CACNA1C: variants seen among roughly 807,000 people sequenced by gnomAD.
CACNA1C encodes the protein calcium voltage-gated channel subunit alpha1 C.
A neutral mutation model predicts 229.0 loss-of-function variants in CACNA1C; 30 were observed. The ratio of observed to expected loss-of-function variants is 0.13; its 90% CI spans 0.10 to 0.18. The LOEUF (loss-of-function observed/expected upper bound fraction) is 0.18, where lower values mean the gene tolerates loss of function less well. Among genes scored for constraint, CACNA1C ranks in the 10% least tolerant of loss-of-function variants. The pLI is 1.00. For missense variants in CACNA1C, 1,658 were observed against 2,845.0 expected, an observed-to-expected ratio of 0.58 and a Z score of 9.49; for synonymous variants, 1,114 against 1,132.5, an observed-to-expected ratio of 0.98 and a Z score of 0.33.
intron 3 of CACNA1C, among the ~76,000 whole-genome samples, chr12:2,435,422 T>C (rs2099124830): frequency 6.6e-6 from 1 of 152,206 alleles, no homozygotes; most frequent in Non-Finnish European, 1.5e-5. Flanking sequence ...TCCTGCCCTT[T>C]GTAACTGCAG....
At chr12:2,211,198 G>T (rs1167466846) in intron 3 of CACNA1C, among the ~76,000 whole-genome samples, 1 of 152,206 alleles carries the variant, frequency 6.6e-6, no homozygotes, top group Non-Finnish European at 1.5e-5. Flanking sequence ...TGAATTAGGA[G>T]TCCTCCCAGG....
intron 38 of CACNA1C, 127 bp downstream of exon 38, chr12:2,669,162 G>A (rs1197442639): frequency 3.6e-5 from 26 of 731,446 alleles, no homozygotes; most frequent in Admixed American, 1.3e-4. Context: ...GCTGGGATAC[G>A]GGGGTAACGT....
rs1053668153 is a variant in CACNA1C, at chr12:2,109,515, G to T, written c.50-5709G>T. Among the ~76,000 whole-genome samples the T allele has an allele frequency of 3.7e-4, 57 of 152,214 alleles. 1 individual carries two copies. Among genetic ancestry groups the T allele is most frequent in the Non-Finnish European group, 5.9e-5 (4 of 68,036 alleles). On this transcript the variant is annotated intron_variant, in intron 1 of 46. Transcript: ENST00000399655. ...TGAGCCACTGTGTCAGGAGTGCATTGGACCGGGCCCAGAGGGGAGTGAGGT... is the reference window on the plus strand; with the variant it reads ...TGAGCCACTGTGTCAGGAGTGCATTTGACCGGGCCCAGAGGGGAGTGAGGT...
At chr12:1,976,767 G>A (rs750116017) in intron 1 of CACNA1C, among the ~76,000 whole-genome samples, 1 of 145,058 alleles carries the variant, frequency 6.9e-6, no homozygotes, top group Admixed American at 6.8e-5. Context: ...ATTTTGGGAG[G>A]TGAAAAAGTG....
At chr12:2,026,949 G>A (rs1265022543) in intron 1 of CACNA1C, among the ~76,000 whole-genome samples, 4 of 152,090 alleles carry the variant, frequency 2.6e-5, no homozygotes, top group Admixed American at 6.6e-5. Flanking sequence ...ACTACAAAAC[G>A]ATGCTTTTCC....
At position 2,363,175 on chromosome 12, in the gene CACNA1C, C is replaced by T. The variant is rs150348380; in HGVS notation, c.478-85801C>T. ...TCCTCTTGTCCCAGTTGTGCCCTTT[C>T]CCTGGCTGACCATAGCATTGTCTGC... On this transcript the variant is annotated intron_variant, in intron 3 of 46. Transcript: ENST00000399655. Among the ~76,000 whole-genome samples the T allele has an allele frequency of 6.3e-3, 957 of 152,266 alleles. 6 individuals carry two copies. Among genetic ancestry groups the T allele is most frequent in the African/African-American group, 0.022 (911 of 41,548 alleles).
At chr12:2,670,158 A>G (rs1290685822) in intron 38 of CACNA1C, among the ~76,000 whole-genome samples, 3 of 152,148 alleles carry the variant, frequency 2.0e-5, no homozygotes, top group East Asian at 3.9e-4. Context: ...TGAACCAACT[A>G]CAGAGATGAT....
At chr12:2,511,821 T>C (rs1027910777) in intron 8 of CACNA1C, among the ~76,000 whole-genome samples, 7 of 152,174 alleles carry the variant, frequency 4.6e-5, no homozygotes. Context: ...GAAATAGTTA[T>C]TGTGTCAGAA....
Position 2,633,623 on chromosome 12 carries a change from A to G in CACNA1C, c.3829-674A>G. 6.4e-7 allele frequency: 1 copy of G among 1,560,180 alleles called. No homozygotes were observed. The highest frequency in any genetic ancestry group is 1.1e-5 in the South Asian group (1 of 89,954). Reference sequence around the variant, plus strand: ...ATCCCCATCCTGCCTGCCCTCCCTTATGTAGGGTTACTTTAGTGATCCCTG... The same window carrying G: ...ATCCCCATCCTGCCTGCCCTCCCTTGTGTAGGGTTACTTTAGTGATCCCTG... On this transcript the variant is annotated intron_variant, in intron 29 of 46. Coordinates refer to ENST00000399655, the MANE Select transcript of CACNA1C (RefSeq NM_000719.7). The surrounding 1 kb of genome is among the most constrained non-coding windows in gnomAD (Gnocchi z 5.8).
At chr12:1,981,405 T>C (rs1471815349) in intron 1 of CACNA1C, among the ~76,000 whole-genome samples, 1 of 152,218 alleles carries the variant, frequency 6.6e-6, no homozygotes, top group African/African-American at 2.4e-5. Context: ...GCACATTTAA[T>C]GCAAGGAATT....
chr12:2,233,188 T>C (rs147682098), intron 3 of CACNA1C, among the ~76,000 whole-genome samples: 364 of 152,362 alleles, frequency 2.4e-3, no homozygotes, highest in African/African-American at 8.2e-3. Flanking sequence ...TATCTCATCA[T>C]ATCAGGACCA....
At chr12:2,433,435 TA>T (rs1446962910) in intron 3 of CACNA1C, among the ~76,000 whole-genome samples, 1 of 149,612 alleles carries the variant, frequency 6.7e-6, no homozygotes, top group Admixed American at 6.7e-5. Flanking sequence ...CCTGCTTTGA[TA>T]AATAGCCCTT....
chr12:2,669,921 G>C (rs1037538900), intron 38 of CACNA1C, among the ~76,000 whole-genome samples: 5 of 152,212 alleles, frequency 3.3e-5, no homozygotes, highest in Non-Finnish European at 7.3e-5. Flanking sequence ...TGATGGATAA[G>C]AGTTTGCGAA....
At chr12:2,439,574 T>G (rs1385292308) in intron 3 of CACNA1C, among the ~76,000 whole-genome samples, 1 of 152,092 alleles carries the variant, frequency 6.6e-6, no homozygotes, top group Admixed American at 6.6e-5. Flanking sequence ...ACCCACGTGC[T>G]GGGGCAGGGA....
chr12:2,102,270 A>ATG (rs2076725780), intron 1 of CACNA1C, among the ~76,000 whole-genome samples: 1 of 152,252 alleles, frequency 6.6e-6, no homozygotes, highest in Admixed American at 6.5e-5. Context: ...CATGCAGCCA[A>ATG]TGTGTTTTGA....
intron 3 of CACNA1C, among the ~76,000 whole-genome samples, chr12:2,416,591 C>G (rs914576228): frequency 1.3e-5 from 2 of 152,218 alleles, no homozygotes; most frequent in Non-Finnish European, 2.9e-5. Flanking sequence ...CAGAACCAGT[C>G]TGTCTCCAGA....
chr12:2,137,886 C>G (rs2093707460), intron 3 of CACNA1C, among the ~76,000 whole-genome samples: 1 of 151,354 alleles, frequency 6.6e-6, no homozygotes, highest in Admixed American at 6.6e-5. Context: ...CCGGGAGCGC[C>G]AGGCCAGTGG....
chr12:2,477,473 T>A (rs143828686), intron 5 of CACNA1C, among the ~76,000 whole-genome samples: 228 of 152,316 alleles, frequency 1.5e-3, no homozygotes, highest in Non-Finnish European at 2.1e-3. Context: ...CTGTCTTATC[T>A]GCGAGTCATC....
chr12:2,075,467 A>G (rs2062853949), intron 1 of CACNA1C, among the ~76,000 whole-genome samples: 1 of 152,198 alleles, frequency 6.6e-6, no homozygotes, highest in Non-Finnish European at 1.5e-5. Context: ...GGCCTCATTA[A>G]TTTGCTCAAG....
Sources: gnomAD v4.1 joint callset for allele counts (sites outside exome capture counted in the v4.1 genomes callset) on GRCh38, gnomAD v4.1.1 for gene constraint, Gnocchi (gnomAD v3.1) non-coding constraint, MANE v1.5 for transcripts, NCBI Gene and HGNC (gene_info 2026-07-23, HGNC 2026-07-21) for gene names.